Variants in RAB3GAP2 observed in about 807,000 individuals in gnomAD.
The protein encoded by RAB3GAP2 is RAB3 GTPase activating non-catalytic protein subunit 2, also known as rab3 GTPase-activating protein non-catalytic subunit.
RAB3GAP2 carries 87 observed loss-of-function variants against 185.3 expected under a neutral mutation model. The ratio of observed to expected loss-of-function variants is 0.47; its 90% confidence interval spans 0.39 to 0.56. RAB3GAP2 has a LOEUF of 0.56. Among genes scored for constraint, RAB3GAP2 ranks in the 20% least tolerant of loss-of-function variants. The pLI is 0.00. For missense variants in RAB3GAP2, 1,492 were observed against 1,638.2 expected (o/e 0.91, Z 1.54); for synonymous variants, 554 against 576.1 (o/e 0.96, Z 0.55).
chr1:220,161,122 G>A (rs2102853875), intron 28 of RAB3GAP2, among the ~76,000 whole-genome samples: 1 of 152,174 alleles, frequency 6.6e-6, no homozygotes, highest in East Asian at 1.9e-4. Context: ...AAGTTGAATA[G>A]GAGAACAACA....
chr1:220,272,115 G>C, intron 1 of RAB3GAP2, 108 bp downstream of exon 1: 1 of 934,160 alleles, frequency 1.1e-6, no homozygotes, highest in South Asian at 1.4e-5. Context: ...GAGAACTGGG[G>C]GTCCAGAGGG....
rs922253692 is a variant in RAB3GAP2 at position 220,246,220 on chromosome 1, A to T, written c.116-13357T>A. Among the ~76,000 whole-genome samples, 5 of 152,354 alleles carry T rather than the reference A, an allele frequency of 3.3e-5. No individual in the cohort carries two copies. The East Asian group carries it at 5.8e-4, about 18-fold the overall frequency. On this transcript the variant is annotated intron_variant, in intron 1 of 34. Coordinates refer to ENST00000358951, the MANE Select transcript of RAB3GAP2 (RefSeq NM_012414.4). ...TCAGAGAAATGCAAATCAAAACCAC[A>T]ATGAGATACCATTGCAGTTAGAACG... is the stretch of plus-strand genomic sequence containing the variant.
In RAB3GAP2 at chr1:220,153,221, T is replaced by C. The variant is rs1239154811; in HGVS notation, c.3831A>G (p.Glu1277=). 5 of 1,613,922 alleles carry C rather than the reference T, an allele frequency of 3.1e-6. No homozygotes were observed. Among genetic ancestry groups the C allele is most frequent in the East Asian group, 4.5e-5 (2 of 44,894 alleles). Residue 1277 remains glutamate (E), a synonymous_variant, in exon 33 of 35, where the codon GAA becomes GAG. Coordinates refer to ENST00000358951, the MANE Select transcript of RAB3GAP2 (RefSeq NM_012414.4). ...AGTGGTCAACTCCATAGTTGTATAG[T>C]TCCCCCACATAATGCCTTCTAACAA... ...EDVVRRHYVG[E]LYNYGVDHLG...
intron 13 of RAB3GAP2, among the ~76,000 whole-genome samples, chr1:220,192,503 C>T (rs1658642413): frequency 6.6e-6 from 1 of 152,304 alleles, no homozygotes; most frequent in South Asian, 2.1e-4. Context: ...TCACAATGTG[C>T]CTAGTTAAAA....
intron 7 of RAB3GAP2, among the ~76,000 whole-genome samples, chr1:220,207,008 T>G (rs1354170351): frequency 5.9e-5 from 9 of 152,198 alleles, no homozygotes; most frequent in Non-Finnish European, 4.4e-5. Flanking sequence ...ATCCCCAAAC[T>G]GTAAGCCCCA....
intron 1 of RAB3GAP2, among the ~76,000 whole-genome samples, chr1:220,247,955 T>G (rs1659850093): frequency 1.3e-5 from 2 of 151,890 alleles, no homozygotes; most frequent in African/African-American, 4.8e-5. Flanking sequence ...TTTGAAAAAT[T>G]AGACTTGATA....
intron 2 of RAB3GAP2, among the ~76,000 whole-genome samples, chr1:220,231,793 T>C (rs538963276): frequency 6.6e-6 from 1 of 152,314 alleles, no homozygotes; most frequent in African/African-American, 2.4e-5. Context: ...AGTCTTTTTC[T>C]CCCTCTACCC....
At chr1:220,254,101 C>A in intron 1 of RAB3GAP2, 1 of 1,613,806 alleles carries the variant, frequency 6.2e-7, no homozygotes. Flanking sequence ...AATTACCAGG[C>A]AAAAACAGCT....
chr1:220,208,227 CCAGT>C (rs539305687), intron 7 of RAB3GAP2: 8 of 152,308 alleles, frequency 5.3e-5, no homozygotes, highest in South Asian at 2.1e-4. Flanking sequence ...GCTTCGTCAT[CCAGT>C]CAATTTTTAG....
At chr1:220,265,152 T>C (rs1224058610) in intron 1 of RAB3GAP2, among the ~76,000 whole-genome samples, 1 of 152,092 alleles carries the variant, frequency 6.6e-6, no homozygotes. Context: ...TAGTATGATC[T>C]CAAACTAGAG....
At chr1:220,231,467 G>C (rs778517602) in intron 2 of RAB3GAP2, among the ~76,000 whole-genome samples, 2 of 152,032 alleles carry the variant, frequency 1.3e-5, no homozygotes. Flanking sequence ...CCCTCTCATA[G>C]AGTGTAAGCT....
At chr1:220,248,952 C>T (rs918901903) in intron 1 of RAB3GAP2, among the ~76,000 whole-genome samples, 25 of 152,192 alleles carry the variant, frequency 1.6e-4, no homozygotes, top group African/African-American at 6.0e-4. Flanking sequence ...TTCCTGAGGC[C>T]TCCCCAGCCA....
chr1:220,267,923 T>A, intron 1 of RAB3GAP2: 1 of 704,030 alleles, frequency 1.4e-6, no homozygotes. Context: ...CCGTGATGCC[T>A]ATGACCCAAG....
intron 2 of RAB3GAP2, among the ~76,000 whole-genome samples, chr1:220,225,616 T>C (rs2102888255): frequency 6.6e-6 from 1 of 152,276 alleles, no homozygotes; most frequent in Non-Finnish European, 1.5e-5. Context: ...TCACCCATGG[T>C]TGAGAATCAC....
chr1:220,176,661 G>A (rs1327836603), intron 21 of RAB3GAP2, among the ~76,000 whole-genome samples: 1 of 152,146 alleles, frequency 6.6e-6, no homozygotes, highest in Non-Finnish European at 1.5e-5. Context: ...AGAGTTGCTT[G>A]CATAAGGACC....
chr1:220,176,542 T>C (rs1658293007), intron 21 of RAB3GAP2, among the ~76,000 whole-genome samples: 1 of 152,168 alleles, frequency 6.6e-6, no homozygotes, highest in Non-Finnish European at 1.5e-5. Context: ...CTGTACACAC[T>C]AGTGTTTTGG....
intron 17 of RAB3GAP2, among the ~76,000 whole-genome samples, chr1:220,188,287 A>T (rs758788127): frequency 6.6e-6 from 1 of 152,084 alleles, no homozygotes; most frequent in Non-Finnish European, 1.5e-5. Context: ...AGACCTAAAG[A>T]AAAAAAAGTC....
At chr1:220,253,182 A>C (rs1481510509) in intron 1 of RAB3GAP2, among the ~76,000 whole-genome samples, 1 of 152,158 alleles carries the variant, frequency 6.6e-6, no homozygotes, top group African/African-American at 2.4e-5. Context: ...TGGGACCCTG[A>C]TACCATTCCT....
intron 1 of RAB3GAP2, chr1:220,254,387 T>G: frequency 6.2e-7 from 1 of 1,612,972 alleles, no homozygotes; most frequent in Non-Finnish European, 8.5e-7. Flanking sequence ...ATTGGAGCAA[T>G]GTTGGCCTAT....
Sources: allele counts gnomAD v4.1 joint callset (sites outside exome capture counted in the v4.1 genomes callset), GRCh38; gene constraint gnomAD v4.1.1; transcripts MANE v1.5; gene names NCBI Gene and HGNC (gene_info 2026-07-23, HGNC 2026-07-21).